GRIK2: variants seen among roughly 807,000 people sequenced by gnomAD.
GRIK2 encodes the protein glutamate ionotropic receptor kainate type subunit 2, also known as glutamate receptor ionotropic, kainate 2.
A neutral mutation model predicts 100.3 loss-of-function variants in GRIK2; 32 were observed. That is an observed-to-expected ratio of 0.32 (90% CI 0.24 to 0.43). GRIK2 has a LOEUF of 0.43. Ranked by LOEUF, GRIK2 falls within the 20% of genes least tolerant of loss-of-function variation. The pLI, the probability that GRIK2 is intolerant of heterozygous loss-of-function variation, is 1.00. For synonymous variants in GRIK2, 417 were observed against 389.4 expected (o/e 1.07, Z -0.83); for missense variants, 843 against 1,114.9 (o/e 0.76, Z 3.47).
chr6:101,481,570 T>G (rs1363605332), intron 2 of GRIK2, among the ~76,000 whole-genome samples: 2 of 152,228 alleles, frequency 1.3e-5, no homozygotes, highest in Admixed American at 6.5e-5. Flanking sequence ...CCAACTGAAA[T>G]GGTAATTTCA....
chr6:101,932,131 C>T (rs532488627), intron 14 of GRIK2, among the ~76,000 whole-genome samples: 23 of 151,934 alleles, frequency 1.5e-4, no homozygotes, highest in South Asian at 1.5e-3. Context: ...AAAATGATAC[C>T]GAGTGCCCTT....
intron 2 of GRIK2, among the ~76,000 whole-genome samples, chr6:101,560,944 A>G (rs555188709): frequency 2.5e-4 from 38 of 152,274 alleles, no homozygotes; most frequent in African/African-American, 8.4e-4. Context: ...GCTAATGTCT[A>G]TGCTAGAGAG....
chr6:102,018,636 T>G (rs1405491062), intron 14 of GRIK2, among the ~76,000 whole-genome samples: 1 of 152,084 alleles, frequency 6.6e-6, no homozygotes, highest in African/African-American at 2.4e-5. Context: ...CTTCAGTAAT[T>G]TGTGGTTCTC....
At chr6:101,735,160 TA>T (rs1260675258) in intron 7 of GRIK2, among the ~76,000 whole-genome samples, 1 of 152,170 alleles carries the variant, frequency 6.6e-6, no homozygotes, top group Non-Finnish European at 1.5e-5. Context: ...TCCAGAGGTG[TA>T]GTCTGGGATA....
At chr6:101,507,390 T>G (rs1474813088) in intron 2 of GRIK2, among the ~76,000 whole-genome samples, 1 of 152,126 alleles carries the variant, frequency 6.6e-6, no homozygotes, top group Non-Finnish European at 1.5e-5. Context: ...GATATTATTT[T>G]ATTCATACAT....
chr6:101,843,891 C>T (rs567850484), intron 10 of GRIK2, among the ~76,000 whole-genome samples: 5 of 152,234 alleles, frequency 3.3e-5, no homozygotes, highest in Middle Eastern at 3.4e-3. Context: ...TGTGACTTGG[C>T]ATATACTTAC....
At chr6:101,583,049 G>A (rs2128303661) in intron 2 of GRIK2, among the ~76,000 whole-genome samples, 1 of 152,218 alleles carries the variant, frequency 6.6e-6, no homozygotes, top group Non-Finnish European at 1.5e-5. Context: ...CAAGGCCAAG[G>A]GAGGCATAAC....
At chr6:101,665,048 A>C in intron 4 of GRIK2, among the ~76,000 whole-genome samples, 1 of 152,120 alleles carries the variant, frequency 6.6e-6, no homozygotes, top group East Asian at 1.9e-4. Flanking sequence ...GACACAGCTA[A>C]ATATCTTAGC....
At chr6:101,998,439 T>C (rs773755450) in intron 14 of GRIK2, among the ~76,000 whole-genome samples, 1 of 152,114 alleles carries the variant, frequency 6.6e-6, no homozygotes, top group Non-Finnish European at 1.5e-5. Flanking sequence ...CTCTTAAAAG[T>C]GGCTCTGGAA....
chr6:101,697,189 A>T (rs1772548763), intron 7 of GRIK2, among the ~76,000 whole-genome samples: 2 of 152,056 alleles, frequency 1.3e-5, no homozygotes, highest in Non-Finnish European at 2.9e-5. Flanking sequence ...TTTTATAATT[A>T]TGAGTTATAT....
rs1014391641 is a variant in GRIK2 at position 101,813,977 on chromosome 6, A to C, written c.1204-4393A>C. On this transcript the variant is annotated intron_variant, in intron 9 of 16. Coordinates refer to ENST00000369134, the MANE Select transcript of GRIK2 (RefSeq NM_021956.5). ...AGCTCCATCTCAAAAAAAAAAAAAAATGTTAACTAAAACTGTGAATCAGTA... is the reference window on the plus strand; with the variant it reads ...AGCTCCATCTCAAAAAAAAAAAAAACTGTTAACTAAAACTGTGAATCAGTA... 4.0e-5 allele frequency among the ~76,000 whole-genome samples: 6 copies of C among 151,076 alleles called. No individual in the cohort carries two copies. The South Asian group carries it at 1.1e-3, about 27-fold the overall frequency.
chr6:101,574,638 T>C (rs1777716397), intron 2 of GRIK2, among the ~76,000 whole-genome samples: 1 of 151,560 alleles, frequency 6.6e-6, no homozygotes, highest in Non-Finnish European at 1.5e-5. Context: ...TACCAGCATG[T>C]ACAGGGCTTG....
chr6:101,551,019 CCTCACCTAAGG>C (rs1400594518), intron 2 of GRIK2, among the ~76,000 whole-genome samples: 3 of 152,270 alleles, frequency 2.0e-5, no homozygotes, highest in East Asian at 3.9e-4. Flanking sequence ...GGAGCCTCAG[CCTCACCTAAGG>C]CTCACCTCAT....
intron 2 of GRIK2, among the ~76,000 whole-genome samples, chr6:101,566,842 CAT>C (rs1393037268): frequency 6.8e-6 from 1 of 146,026 alleles, no homozygotes; most frequent in Admixed American, 6.8e-5. Context: ...TAGGCATATA[CAT>C]ATAATAGACA....
chr6:101,795,082 G>A (rs542823358), intron 7 of GRIK2, among the ~76,000 whole-genome samples: 1 of 152,054 alleles, frequency 6.6e-6, no homozygotes, highest in East Asian at 1.9e-4. Flanking sequence ...GTTTAGGCTG[G>A]CCTCAAACTC....
intron 2 of GRIK2, among the ~76,000 whole-genome samples, chr6:101,414,073 A>G (rs976391566): frequency 6.6e-6 from 1 of 152,198 alleles, no homozygotes; most frequent in Non-Finnish European, 1.5e-5. Context: ...ATCATATTCT[A>G]TAGACATAGG....
Position 102,068,715 on chromosome 6 carries a change from C to T in GRIK2, c.*204C>T, listed in dbSNP as rs985588321. On this transcript the variant is annotated 3_prime_UTR_variant, in exon 17 of 17. Coordinates refer to ENST00000369134, the MANE Select transcript of GRIK2 (RefSeq NM_021956.5). ...AGCATCATGGATCAACCAAGTTACA[C>T]GGGGTTACACTGTTAATCATGGGTT... 7 of 468,468 alleles carry T rather than the reference C, an allele frequency of 1.5e-5. No homozygotes were observed. Among genetic ancestry groups the T allele is most frequent in the East Asian group, 1.1e-4 (3 of 28,280 alleles). 29.0% of individuals were successfully genotyped at this position (468,468 alleles called of 1,614,324 possible). A position where few individuals can be genotyped will look rare whatever the true frequency, so the allele number is the denominator to read the frequency against.
chr6:101,649,494 C>T (rs1257000548), intron 4 of GRIK2, among the ~76,000 whole-genome samples: 5 of 152,030 alleles, frequency 3.3e-5, no homozygotes, highest in African/African-American at 1.2e-4. Context: ...CAGACAGCAA[C>T]CAACAGCTCG....
rs947949090 is a variant in GRIK2, at chr6:101,751,166, C to G, written c.952-48482C>G. On this transcript the variant is annotated intron_variant, in intron 7 of 16. Transcript: ENST00000369134. ...GTTATCCAGGCTGGTCTCAAACTTG[C>G]GGGCTCAAGTGATTCTCTCACCTTG... Among the ~76,000 whole-genome samples, 4 of 152,106 alleles carry G rather than the reference C, an allele frequency of 2.6e-5. No homozygotes were observed. The East Asian group carries it at 5.8e-4, about 22-fold the overall frequency.
Sources: gnomAD v4.1 joint callset for allele counts (sites outside exome capture counted in the v4.1 genomes callset) on GRCh38, gnomAD v4.1.1 for gene constraint, MANE v1.5 for transcripts, NCBI Gene and HGNC (gene_info 2026-07-23, HGNC 2026-07-21) for gene names.